The following SLC4A4 variants were observed in gnomAD, a reference collection of about 807,000 sequenced individuals.
SLC4A4 encodes the protein electrogenic sodium bicarbonate cotransporter 1.
Under a neutral mutation model 111.5 loss-of-function variants are expected in SLC4A4, and 27 were observed. That is an observed-to-expected ratio of 0.24 (90% CI 0.18 to 0.33). SLC4A4 has a LOEUF of 0.33. SLC4A4 is among the 10% of genes least tolerant of loss of function. The probability of loss-of-function intolerance (pLI) is 1.00; values close to 1 mark genes in which losing one functional copy is unlikely to be tolerated. For missense variants in SLC4A4, 909 were observed against 1,315.5 expected, an observed-to-expected ratio of 0.69 and a Z score of 4.78; for synonymous variants, 443 against 463.4, an observed-to-expected ratio of 0.96 and a Z score of 0.57.
At chr4:71,101,210 G>C (rs2148946187) in intron 2 of SLC4A4, among the ~76,000 whole-genome samples, 1 of 152,254 alleles carries the variant, frequency 6.6e-6, no homozygotes, top group Non-Finnish European at 1.5e-5. Context: ...AGTGAGCTGA[G>C]ATTGCGCCAC....
intron 2 of SLC4A4, among the ~76,000 whole-genome samples, chr4:71,146,912 C>G (rs1322319453): frequency 6.6e-6 from 1 of 151,324 alleles, no homozygotes; most frequent in South Asian, 2.1e-4. Context: ...TGTAAATGGG[C>G]TAAATGCTCC....
intron 3 of SLC4A4, among the ~76,000 whole-genome samples, chr4:71,285,989 A>G (rs747757930): frequency 2.0e-5 from 3 of 152,178 alleles, no homozygotes; most frequent in Non-Finnish European, 4.4e-5. Context: ...CTGTAATCCC[A>G]GCACTTTGGG....
intron 5 of SLC4A4, among the ~76,000 whole-genome samples, chr4:71,355,807 G>C (rs1489215505): frequency 6.6e-6 from 1 of 152,246 alleles, no homozygotes; most frequent in African/African-American, 2.4e-5. Flanking sequence ...ATCCTTGGGA[G>C]ATGCTGTTAT....
chr4:71,555,338 A>G (rs762603717), intron 21 of SLC4A4, 130 bp downstream of exon 21: 2 of 758,554 alleles, frequency 2.6e-6, no homozygotes, highest in East Asian at 2.5e-5. Context: ...TTTATTTTCT[A>G]CTTCACCATT....
chr4:71,091,845 TGTA>T (rs1356580086), intron 1 of SLC4A4, among the ~76,000 whole-genome samples: 1 of 152,210 alleles, frequency 6.6e-6, no homozygotes, highest in East Asian at 1.9e-4. Context: ...TAACAGTATC[TGTA>T]ATAACAACAA....
intron 3 of SLC4A4, among the ~76,000 whole-genome samples, chr4:71,274,115 A>G (rs1454919000): frequency 6.6e-6 from 1 of 152,228 alleles, no homozygotes; most frequent in Non-Finnish European, 1.5e-5. Context: ...CACATTTTAT[A>G]TGTGTATTAT....
At chr4:71,145,629 G>A (rs1744142690) in intron 2 of SLC4A4, among the ~76,000 whole-genome samples, 1 of 152,282 alleles carries the variant, frequency 6.6e-6, no homozygotes, top group South Asian at 2.1e-4. Context: ...TTCAGAGCCT[G>A]TTATTGGTGT....
Position 71,570,471 on chromosome 4 carries a change from A to T in SLC4A4, c.*2720A>T, listed in dbSNP as rs905302173. 6.6e-6 allele frequency: 1 copy of T among 152,204 alleles called. No individual in the cohort carries two copies. The highest frequency in any genetic ancestry group is 2.4e-5 in the African/African-American group (1 of 41,384). The allele number at this position is 152,204 out of a possible 1,614,324, so 9.4% of individuals were successfully genotyped here. A position where few individuals can be genotyped will look rare whatever the true frequency, so the allele number is the denominator to read the frequency against. Reference sequence around the variant, plus strand: ...ACCTGAGGTTTACCTAGTGACACCAAATTATCGGTATTTTAACTGAATTTA... The same window carrying T: ...ACCTGAGGTTTACCTAGTGACACCATATTATCGGTATTTTAACTGAATTTA... On this transcript the variant is annotated 3_prime_UTR_variant, in exon 26 of 26. Coordinates refer to ENST00000264485, the MANE Select transcript of SLC4A4 (RefSeq NM_001098484.3).
intron 18 of SLC4A4, among the ~76,000 whole-genome samples, chr4:71,539,423 C>T (rs1734851090): frequency 6.6e-6 from 1 of 152,078 alleles, no homozygotes. Context: ...AGTACCACGA[C>T]CTAAGTTTAA....
chr4:71,111,963 CTG>C (rs1348972474), intron 2 of SLC4A4, among the ~76,000 whole-genome samples: 2 of 152,190 alleles, frequency 1.3e-5, no homozygotes, highest in African/African-American at 4.8e-5. Context: ...TTCCAAAGTG[CTG>C]AGATTACAGA....
chr4:71,064,716 C>T (rs1171129171), intron 1 of SLC4A4, among the ~76,000 whole-genome samples: 2 of 152,294 alleles, frequency 1.3e-5, no homozygotes, highest in African/African-American at 4.8e-5. Flanking sequence ...CGTATTAGGG[C>T]AGCCTCCAGC....
intron 12 of SLC4A4, among the ~76,000 whole-genome samples, chr4:71,462,810 T>C (rs1297815370): frequency 6.6e-6 from 1 of 152,180 alleles, no homozygotes; most frequent in Non-Finnish European, 1.5e-5. Flanking sequence ...ATACATTATC[T>C]ATCTAATGTG....
intron 24 of SLC4A4, among the ~76,000 whole-genome samples, chr4:71,565,910 C>G (rs1263432047): frequency 1.3e-5 from 2 of 151,752 alleles, no homozygotes; most frequent in African/African-American, 2.4e-5. Context: ...TCCCTCAGAG[C>G]CAGTGATAAA....
chr4:71,519,100 G>C (rs1197989411), intron 16 of SLC4A4, among the ~76,000 whole-genome samples: 2 of 152,126 alleles, frequency 1.3e-5, no homozygotes, highest in Admixed American at 6.5e-5. Flanking sequence ...ATGTTAATCT[G>C]TTCCCTTAGC....
chr4:71,267,989 A>G (rs1027354419), intron 3 of SLC4A4, among the ~76,000 whole-genome samples: 45 of 151,308 alleles, frequency 3.0e-4, no homozygotes, highest in South Asian at 6.3e-4. Flanking sequence ...GTTTATCTGC[A>G]GAACCACTCC....
intron 1 of SLC4A4, among the ~76,000 whole-genome samples, chr4:71,075,584 G>GC (rs1162613549): frequency 6.6e-6 from 1 of 152,148 alleles, no homozygotes; most frequent in East Asian, 1.9e-4. Flanking sequence ...TGTTCACGCT[G>GC]CCTGGGGTGT....
At chr4:71,404,593 G>C (rs924522782) in intron 7 of SLC4A4, among the ~76,000 whole-genome samples, 3 of 152,224 alleles carry the variant, frequency 2.0e-5, no homozygotes, top group East Asian at 3.9e-4. Context: ...GTAGCATGCT[G>C]TCAACAATAA....
intron 3 of SLC4A4, among the ~76,000 whole-genome samples, chr4:71,297,982 C>T (rs1226228966): frequency 6.6e-6 from 1 of 152,148 alleles, no homozygotes; most frequent in Non-Finnish European, 1.5e-5. Flanking sequence ...ATTTGGAAGA[C>T]CTTGGTTCAA....
intron 16 of SLC4A4, among the ~76,000 whole-genome samples, chr4:71,516,697 A>G (rs1732431968): frequency 6.6e-6 from 1 of 152,174 alleles, no homozygotes; most frequent in South Asian, 2.1e-4. Context: ...CTTTCCCTGC[A>G]ATATGGAACC....
Sources: allele counts gnomAD v4.1 joint callset (sites outside exome capture counted in the v4.1 genomes callset), GRCh38; gene constraint gnomAD v4.1.1; transcripts MANE v1.5; gene names NCBI Gene and HGNC (gene_info 2026-07-23, HGNC 2026-07-21).